Variants in BMS1 observed in about 807,000 individuals in gnomAD.
BMS1 encodes ribosome biogenesis protein BMS1 homolog.
A neutral mutation model predicts 138.7 loss-of-function variants in BMS1; 53 were observed. The ratio of observed to expected loss-of-function variants is 0.38; its 90% CI spans 0.31 to 0.48. The LOEUF is 0.48. Ranked by LOEUF, BMS1 falls within the 20% of genes least tolerant of loss-of-function variation. The pLI is 0.97. For synonymous variants in BMS1, 504 were observed against 539.9 expected (o/e 0.93, Z 0.92); for missense variants, 1,360 against 1,565.5 (o/e 0.87, Z 2.22).
intron 17 of BMS1, 31 bp from the exon 18 acceptor site, chr10:42,820,903 G>A (rs201579624): frequency 4.3e-5 from 68 of 1,588,920 alleles, no homozygotes; most frequent in African/African-American, 8.1e-5. Context: ...TTTGTGGTTC[G>A]CTATATTTCT....
At chr10:42,795,513 G>T (rs1261368106) in intron 9 of BMS1, among the ~76,000 whole-genome samples, 2 of 150,400 alleles carry the variant, frequency 1.3e-5, no homozygotes, top group East Asian at 2.0e-4. Context: ...TAGAGATTAG[G>T]TCTCACCATG....
At chr10:42,815,433 T>C (rs1842319971) in intron 13 of BMS1, among the ~76,000 whole-genome samples, 1 of 152,236 alleles carries the variant, frequency 6.6e-6, no homozygotes, top group Non-Finnish European at 1.5e-5. Context: ...TTATCCTTTT[T>C]TGCTTTTATT....
rs144012177 is a variant in BMS1 at position 42,820,304 on chromosome 10, G to A, written c.2649G>A (p.Gly883=). 6.2e-7 allele frequency: 1 copy of A among 1,613,604 alleles called. No individual in the cohort carries two copies. The highest frequency in any genetic ancestry group is 8.5e-7 in the Non-Finnish European group (1 of 1,179,868). Residue 883 remains glycine (G), a synonymous_variant, in exon 16 of 23, where the codon GGG becomes GGA. Transcript: ENST00000374518. ...ARVQYEGFRP[G]MYVRIEIENV... The stretch of plus-strand genomic sequence containing the variant: ...TTCAGTATGAGGGTTTTCGACCTGG[G>A]ATGTACGTCCGCATTGAGATTGAAA...
At chr10:42,786,060 T>C (rs1396155674) in intron 3 of BMS1, among the ~76,000 whole-genome samples, 3 of 152,230 alleles carry the variant, frequency 2.0e-5, no homozygotes, top group Non-Finnish European at 4.4e-5. Context: ...CTCCATTTTT[T>C]GTATGAGAAA....
In BMS1 at chr10:42,798,934, A is replaced by G. The variant is rs114545993; in HGVS notation, c.2247+309A>G. Among the ~76,000 whole-genome samples, 796 of 152,316 alleles carry G rather than the reference A, an allele frequency of 5.2e-3. 9 individuals carry two copies. The highest frequency in any genetic ancestry group is 0.018 in the African/African-American group (763 of 41,580). On this transcript the variant is annotated intron_variant, in intron 12 of 22. Coordinates refer to ENST00000374518, the MANE Select transcript of BMS1 (RefSeq NM_014753.4). Reference sequence around the variant, plus strand: ...CAGATGTATTTTGTGTCTTATCACTAGGATATATGTAGCATCCCTGAGTTA... The same window carrying G: ...CAGATGTATTTTGTGTCTTATCACTGGGATATATGTAGCATCCCTGAGTTA...
At position 42,797,185 on chromosome 10, in the gene BMS1, GGAA is replaced by G. The variant is rs746751167; in HGVS notation, c.1947_1949del (p.Glu649del). ...GTGATATAGAAAATTTACTCAAAGA[GGAA>G]GAAGATTACAAGGAAGAAAATAATG... is the stretch of plus-strand genomic sequence containing the variant. On this transcript the variant is annotated inframe_deletion, in exon 10 of 23. Transcript: ENST00000374518. 13 of 1,610,996 alleles carry G rather than the reference GGAA, an allele frequency of 8.1e-6. No homozygotes were observed. The Admixed American group carries it at 1.5e-4, about 19-fold the overall frequency.
rs941735590 is a variant in BMS1 at position 42,823,374 on chromosome 10, G to T, written c.3280+109G>T. The T allele has an allele frequency of 2.9e-6, 4 of 1,398,976 alleles. No homozygotes were observed. The African/African-American group carries it at 4.3e-5, about 15-fold the overall frequency. The allele number at this position is 1,398,976 out of a possible 1,614,324, so 86.7% of individuals were successfully genotyped here. A position where few individuals can be genotyped will look rare whatever the true frequency, so the allele number is the denominator to read the frequency against. ...GTCTCTAGAGAGTTGAGCAGCTCCA[G>T]CCTTAGATCTCCCAGTCTTATGGGT... On this transcript the variant is annotated intron_variant, in intron 20 of 22. Transcript: ENST00000374518.
Position 42,792,630 on chromosome 10 carries a change from A to G in BMS1, c.901+16A>G, listed in dbSNP as rs757467542. ...CACATGCCAGGTATTCTCTTGTTGT[A>G]GAACATACTAGAATTACACATAGGA... On this transcript the variant is annotated intron_variant, in intron 7 of 22. Transcript: ENST00000374518. 2 of 1,599,074 alleles carry G rather than the reference A, an allele frequency of 1.3e-6. No individual in the cohort carries two copies. The highest frequency in any genetic ancestry group is 3.4e-5 in the Admixed American group (2 of 59,086).
chr10:42,819,330 A>G (rs1842436843), intron 15 of BMS1, among the ~76,000 whole-genome samples: 1 of 152,214 alleles, frequency 6.6e-6, no homozygotes, highest in South Asian at 2.1e-4. Context: ...GTGCTTCCCA[A>G]TATTGTAACA....
Position 42,820,380 on chromosome 10 carries a change from C to T in BMS1, c.2725C>T (p.Leu909=). ...CTTTGACCCCCATTACCCCATTATC[C>T]TGGGTGGCTTGGGCAACAGTGAGGG... ...QNFDPHYPII[L]GGLGNSEGNV... is the part of the protein sequence containing the mutation. Residue 909 remains leucine (L), a synonymous_variant, in exon 16 of 23, where the codon CTG becomes TTG. Coordinates refer to ENST00000374518, the MANE Select transcript of BMS1 (RefSeq NM_014753.4). 1 of 1,613,824 alleles carries T rather than the reference C, an allele frequency of 6.2e-7. No individual in the cohort carries two copies. The highest frequency in any genetic ancestry group is 8.5e-7 in the Non-Finnish European group (1 of 1,179,858).
intron 13 of BMS1, among the ~76,000 whole-genome samples, chr10:42,808,270 TTTTA>T (rs139357355): frequency 0.47 from 68,688 of 147,586 alleles, 16,683 homozygotes; most frequent in East Asian, 0.63. Context: ...AGTTTTTATT[TTTTA>T]TTTATTTATT....
chr10:42,791,688 A>G lies in BMS1; in HGVS notation c.698A>G (p.His233Arg). 6.2e-7 allele frequency: 1 copy of G among 1,613,898 alleles called. No homozygotes were observed. The highest frequency in any genetic ancestry group is 8.5e-7 in the Non-Finnish European group (1 of 1,179,802). The change falls in exon 6 of 23, where the codon CAC (histidine) becomes CGC (arginine). Residue 233 changes from histidine to arginine, a missense_variant. His to Arg is a conservative substitution (Grantham distance 29, BLOSUM62 0). Around this residue, in one of 3 missense-constraint regions of BMS1, gnomAD observed 238 missense variants for 311.1 expected, o/e 0.77. Transcript: ENST00000374518. Reference protein sequence around the residue: ...VHGEYQNQEIHNLGRFITVMK... With the variant: ...VHGEYQNQEIRNLGRFITVMK... ...GGAGAATATCAAAACCAAGAAATCC[A>G]CAATCTGGGCCGTTTTATTACAGTT...
chr10:42,787,997 C>T (rs1841390324), intron 4 of BMS1, among the ~76,000 whole-genome samples: 2 of 152,238 alleles, frequency 1.3e-5, no homozygotes, highest in Non-Finnish European at 2.9e-5. Context: ...GGGTGACAGA[C>T]ACCTTGATTT....
chr10:42,826,359 C>T (rs1441869973), intron 21 of BMS1, among the ~76,000 whole-genome samples: 7 of 151,160 alleles, frequency 4.6e-5, no homozygotes, highest in Admixed American at 2.0e-4. Flanking sequence ...TCTATTTTTG[C>T]GAAGAGTTTA....
intron 12 of BMS1, among the ~76,000 whole-genome samples, chr10:42,800,525 A>AT (rs71533043): frequency 0.03 from 3,974 of 131,318 alleles, 92 homozygotes; most frequent in African/African-American, 0.064. Context: ...TAAATGCTTG[A>AT]TTTTTTTTTT....
chr10:42,814,586 T>A (rs530994525), intron 13 of BMS1, among the ~76,000 whole-genome samples: 221 of 152,368 alleles, frequency 1.5e-3, no homozygotes, highest in Non-Finnish European at 2.3e-3. Flanking sequence ...TATGTAATTT[T>A]TTTATTTTTG....
intron 21 of BMS1, 66 bp from the exon 22 acceptor site, chr10:42,830,195 T>G: frequency 6.4e-7 from 1 of 1,573,536 alleles, no homozygotes; most frequent in Non-Finnish European, 8.6e-7. Flanking sequence ...GAAGATTTTA[T>G]GCAGAAGTTT....
chr10:42,793,735 A>G, intron 8 of BMS1, 117 bp from the exon 9 acceptor site: 2 of 1,223,440 alleles, frequency 1.6e-6, no homozygotes, highest in Admixed American at 2.3e-5. Context: ...TTTTTGAGGC[A>G]TTAAGAAAGG....
At chr10:42,796,431 T>G in intron 9 of BMS1, 43 bp from the exon 10 acceptor site, 1 of 1,556,286 alleles carries the variant, frequency 6.4e-7, no homozygotes, top group South Asian at 1.2e-5. Context: ...ATTAGCTGAT[T>G]AATGTACAAA....
Sources: gnomAD v4.1 joint callset for allele counts (sites outside exome capture counted in the v4.1 genomes callset) on GRCh38, gnomAD v4.1.1 for gene constraint, gnomAD v4.1.1 regional missense constraint, MANE v1.5 for transcripts, NCBI Gene and HGNC (gene_info 2026-07-23, HGNC 2026-07-21) for gene names.